The following B3GLCT variants were observed in gnomAD, a reference collection of about 807,000 sequenced individuals.
The protein encoded by B3GLCT is beta 3-glucosyltransferase.
In B3GLCT, 65 loss-of-function variants were observed where a neutral mutation model predicts 63.4. The observed-to-expected ratio is 1.03, with a 90% CI of 0.84 to 1.26. The LOEUF (loss-of-function observed/expected upper bound fraction) is 1.26. B3GLCT is among the 50% of genes most tolerant of loss of function. The pLI is 0.00. For missense variants in B3GLCT, 577 were observed against 604.8 expected (o/e 0.95, Z 0.48); for synonymous variants, 233 against 219.2 (o/e 1.06, Z -0.55).
At chr13:31,300,376 G>A (rs1456996766) in intron 12 of B3GLCT, among the ~76,000 whole-genome samples, 4 of 152,140 alleles carry the variant, frequency 2.6e-5, no homozygotes, top group Admixed American at 2.0e-4. Flanking sequence ...TGCCCGATGT[G>A]TTCTTCCTGC....
At chr13:31,233,794 A>G (rs1226068877) in intron 4 of B3GLCT, among the ~76,000 whole-genome samples, 3 of 152,154 alleles carry the variant, frequency 2.0e-5, no homozygotes, top group Non-Finnish European at 4.4e-5. Context: ...AGAGGGACAA[A>G]TCGATGTCTC....
chr13:31,268,134 C>A (rs1872419276), intron 7 of B3GLCT, among the ~76,000 whole-genome samples: 1 of 152,186 alleles, frequency 6.6e-6, no homozygotes, highest in African/African-American at 2.4e-5. Flanking sequence ...ACATGAACTA[C>A]TGTGCCTAGC....
Position 31,331,919 on chromosome 13 carries a change from A to G in B3GLCT, c.*2251A>G, listed in dbSNP as rs987784119. 1 of 152,188 alleles carries G rather than the reference A, an allele frequency of 6.6e-6. No individual in the cohort carries two copies. The highest frequency in any genetic ancestry group is 1.5e-5 in the Non-Finnish European group (1 of 68,028). 9.4% of individuals were successfully genotyped at this position (152,188 alleles called of 1,614,324 possible). Reference sequence around the variant, plus strand: ...ACATCAGGGATTTGTGTGTGGAATAACTGGAATGTCATTTTTGCTTTTAAG... The same window carrying G: ...ACATCAGGGATTTGTGTGTGGAATAGCTGGAATGTCATTTTTGCTTTTAAG... On this transcript the variant is annotated 3_prime_UTR_variant, in exon 15 of 15. Transcript: ENST00000343307.
At chr13:31,220,918 A>G (rs1213259100) in intron 2 of B3GLCT, among the ~76,000 whole-genome samples, 1 of 152,192 alleles carries the variant, frequency 6.6e-6, no homozygotes, top group Non-Finnish European at 1.5e-5. Flanking sequence ...CTTGTTGATG[A>G]AGGTGACTTT....
intron 7 of B3GLCT, among the ~76,000 whole-genome samples, chr13:31,267,390 C>T (rs1003687443): frequency 2.6e-5 from 4 of 152,208 alleles, no homozygotes; most frequent in Non-Finnish European, 5.9e-5. Flanking sequence ...ATTTTGAAGG[C>T]ATGTGGCATG....
intron 11 of B3GLCT, 133 bp from the exon 12 acceptor site, chr13:31,286,586 TA>T (rs1472181509): frequency 1.6e-6 from 1 of 625,466 alleles, no homozygotes; most frequent in Non-Finnish European, 2.8e-6. Context: ...AGGCTATTTT[TA>T]AAAATTTTGA....
At chr13:31,232,429 AGGG>A (rs1328810928) in intron 4 of B3GLCT, among the ~76,000 whole-genome samples, 1 of 122,092 alleles carries the variant, frequency 8.2e-6, no homozygotes, top group Non-Finnish European at 1.9e-5. Flanking sequence ...TTAGAGAGAG[AGGG>A]GAGGTGCTAC....
intron 1 of B3GLCT, among the ~76,000 whole-genome samples, chr13:31,211,188 A>T (rs1312552076): frequency 6.6e-6 from 1 of 152,178 alleles, no homozygotes; most frequent in African/African-American, 2.4e-5. Flanking sequence ...TGAGGTCAGG[A>T]GTTTGAGACT....
chr13:31,313,989 C>T (rs1874860078), intron 12 of B3GLCT, among the ~76,000 whole-genome samples: 1 of 152,192 alleles, frequency 6.6e-6, no homozygotes, highest in African/African-American at 2.4e-5. Context: ...GCTGTGACTT[C>T]AGAGAGTGGA....
chr13:31,253,268 C>T (rs1013825682), intron 6 of B3GLCT, among the ~76,000 whole-genome samples: 11 of 152,152 alleles, frequency 7.2e-5, no homozygotes, highest in South Asian at 2.1e-4. Context: ...CAGGAAAGAT[C>T]GAAAATCGAC....
At chr13:31,258,555 G>A (rs981076356) in intron 6 of B3GLCT, among the ~76,000 whole-genome samples, 5 of 151,928 alleles carry the variant, frequency 3.3e-5, no homozygotes, top group African/African-American at 1.2e-4. Context: ...ATTCTGAGTT[G>A]GGAGCAATTT....
chr13:31,275,482 G>A (rs1351411163), intron 9 of B3GLCT, among the ~76,000 whole-genome samples: 1 of 152,134 alleles, frequency 6.6e-6, no homozygotes, highest in Non-Finnish European at 1.5e-5. Flanking sequence ...TCCTGGAAAG[G>A]CAATTTCCAG....
At chr13:31,227,815 T>TA (rs1688794500) in intron 3 of B3GLCT, among the ~76,000 whole-genome samples, 2 of 152,334 alleles carry the variant, frequency 1.3e-5, no homozygotes, top group Admixed American at 1.3e-4. Flanking sequence ...GCTGAGGTGT[T>TA]AAAGAGAAAG....
intron 13 of B3GLCT, among the ~76,000 whole-genome samples, chr13:31,319,414 C>T (rs1168136847): frequency 1.3e-5 from 2 of 152,222 alleles, no homozygotes; most frequent in Admixed American, 1.3e-4. Context: ...TCCTAAACTA[C>T]CTCACCAAGG....
At chr13:31,213,093 G>A (rs1869361237) in intron 1 of B3GLCT, among the ~76,000 whole-genome samples, 1 of 145,086 alleles carries the variant, frequency 6.9e-6, no homozygotes, top group Non-Finnish European at 1.6e-5. Context: ...ATTAGATCCT[G>A]GTGAAAATAA....
intron 12 of B3GLCT, among the ~76,000 whole-genome samples, chr13:31,298,301 C>A (rs987147716): frequency 6.6e-6 from 1 of 152,168 alleles, no homozygotes; most frequent in Non-Finnish European, 1.5e-5. Flanking sequence ...TACCTTACAT[C>A]AAAAGAACAT....
At chr13:31,260,862 A>G (rs1871989464) in intron 6 of B3GLCT, 84 bp from the exon 7 acceptor site, 3 of 1,300,000 alleles carry the variant, frequency 2.3e-6, no homozygotes, top group African/African-American at 1.5e-5. Context: ...ATATTTAATT[A>G]TCTGAAACCA....
At chr13:31,226,296 A>G (rs957492927) in intron 3 of B3GLCT, among the ~76,000 whole-genome samples, 6 of 152,232 alleles carry the variant, frequency 3.9e-5, no homozygotes, top group African/African-American at 1.4e-4. Flanking sequence ...ACAGAGCCCT[A>G]CACTTAGTAG....
rs528829061 is a variant in B3GLCT, at chr13:31,253,243, G to A, written c.459+5277G>A. Among the ~76,000 whole-genome samples the A allele has an allele frequency of 2.6e-5, 4 of 152,164 alleles. No individual in the cohort carries two copies. The East Asian group carries it at 7.7e-4, about 29-fold the overall frequency. The stretch of plus-strand genomic sequence containing the variant: ...TAGAGGGAAATCTATAGCACTAAAT[G>A]CCCACAAGAGAAGGCAGGAAAGATC... On this transcript the variant is annotated intron_variant, in intron 6 of 14. Transcript: ENST00000343307.
Sources: allele counts gnomAD v4.1 joint callset (sites outside exome capture counted in the v4.1 genomes callset), GRCh38; gene constraint gnomAD v4.1.1; transcripts MANE v1.5; gene names NCBI Gene and HGNC (gene_info 2026-07-23, HGNC 2026-07-21).